NEK8: variants seen among roughly 807,000 people sequenced by gnomAD.
The protein encoded by NEK8 is serine/threonine-protein kinase Nek8.
NEK8 carries 51 observed loss-of-function variants against 77.2 expected under a neutral mutation model. The observed-to-expected ratio is 0.66, with a 90% confidence interval of 0.53 to 0.83. NEK8 has a LOEUF of 0.83. Ranked by LOEUF, NEK8 falls within the 40% of genes least tolerant of loss-of-function variation. NEK8 has a pLI of 0.00. For synonymous variants in NEK8, 365 were observed against 363.2 expected (o/e 1.00, Z -0.06); for missense variants, 787 against 909.2 (o/e 0.87, Z 1.73).
chr17:28,733,670 A>G (rs1223039392), intron 1 of NEK8, among the ~76,000 whole-genome samples: 1 of 152,216 alleles, frequency 6.6e-6, no homozygotes, highest in East Asian at 1.9e-4. Context: ...CATTTTCCAG[A>G]CAATGATGTC....
chr17:28,734,007 G>A lies in NEK8; in HGVS notation c.72G>A (p.Lys24=), dbSNP rs1223142510. 3.1e-6 allele frequency: 5 copies of A among 1,614,124 alleles called. No individual in the cohort carries two copies. In the African/African-American group the frequency reaches 5.3e-5, roughly 17 times the overall value. ...AFGIVHLCLR[K]ADQKLVIIKQ... ...GGATTGTGCACCTGTGCCTGCGAAA[G>A]GCTGACCAGAAGCTGGTGATCATCA... The change falls in exon 2 of 15, where the codon AAG becomes AAA. Residue 24 remains lysine, a synonymous_variant. Coordinates refer to ENST00000268766, the MANE Select transcript of NEK8 (RefSeq NM_178170.3).
chr17:28,734,693 A>C (rs2034344771), intron 2 of NEK8, 79 bp from the exon 3 acceptor site: 4 of 1,066,042 alleles, frequency 3.8e-6, no homozygotes, highest in Admixed American at 1.9e-5. Context: ...TCTCAAAAAA[A>C]AAAAACAACA....
At chr17:28,739,222 C>G (rs756961408) in intron 10 of NEK8, 21 bp downstream of exon 10, 1 of 1,523,382 alleles carries the variant, frequency 6.6e-7, no homozygotes, top group East Asian at 2.2e-5. Flanking sequence ...GCCTTTAGGC[C>G]CCATCTCACA....
Position 28,737,671 on chromosome 17 carries a change from G to T in NEK8, c.828-4G>T, listed in dbSNP as rs1244562506. ...TTGTCCTTAGGCCCCCATCTGTCCT[G>T]CAGGGCAGAGAAGTCCGTGGCCCCC... On this transcript the variant is annotated splice_region_variant and splice_polypyrimidine_tract_variant and intron_variant, in intron 5 of 14. Coordinates refer to ENST00000268766, the MANE Select transcript of NEK8 (RefSeq NM_178170.3). The surrounding 1 kb of genome is among the most constrained non-coding windows in gnomAD (Gnocchi z 4.8). The T allele has an allele frequency of 1.9e-6, 3 of 1,614,190 alleles. No individual in the cohort carries two copies. Among genetic ancestry groups the T allele is most frequent in the Admixed American group, 3.3e-5 (2 of 60,024 alleles).
intron 1 of NEK8, among the ~76,000 whole-genome samples, chr17:28,730,277 ATTTTTTT>A (rs36102062): frequency 1.9e-4 from 17 of 89,266 alleles, no homozygotes; most frequent in South Asian, 1.4e-3. Flanking sequence ...CAACCGGCTA[ATTTTTTT>A]TTTTTTTTTT....
In NEK8 at chr17:28,740,771, T is replaced by A. The variant is rs777448041; in HGVS notation, c.1569-51T>A. The A allele has an allele frequency of 6.8e-6, 11 of 1,609,544 alleles. No homozygotes were observed. The highest frequency in any genetic ancestry group is 9.3e-6 in the Non-Finnish European group (11 of 1,177,376). ...GGGATCTGTCTCCTGGTGCACCAGCTCCTGCCCAAACTGTCTGTCAGTTGG... is the reference window on the plus strand; with the variant it reads ...GGGATCTGTCTCCTGGTGCACCAGCACCTGCCCAAACTGTCTGTCAGTTGG... On this transcript the variant is annotated intron_variant, in intron 11 of 14. Transcript: ENST00000268766. This position sits in a 1 kb window ranked among gnomAD's most constrained non-coding sequence, Gnocchi z 4.7.
chr17:28,740,805 T>C lies in NEK8; in HGVS notation c.1569-17T>C. ...AACTGTCTGTCAGTTGGATTTGGCT[T>C]CTGGCTCTGCCCTCAGGTTCAACAA... On this transcript the variant is annotated splice_polypyrimidine_tract_variant and intron_variant, in intron 11 of 14. Coordinates refer to ENST00000268766, the MANE Select transcript of NEK8 (RefSeq NM_178170.3). This position sits in a 1 kb window ranked among gnomAD's most constrained non-coding sequence, Gnocchi z 4.7. The C allele has an allele frequency of 1.9e-6, 3 of 1,613,176 alleles. No individual in the cohort carries two copies. Among genetic ancestry groups the C allele is most frequent in the Middle Eastern group, 1.9e-4 (1 of 5,356 alleles).
rs750188369 is a variant in NEK8 at position 28,741,114 on chromosome 17, A to G, written c.1769A>G (p.His590Arg). ...GDCYTFGSNQ[H>R]GQLGTNTRRG... ...TGCTACACTTTTGGCAGCAATCAGC[A>G]CGGACAGTTGGGCACCAATACTCGC... Residue 590 changes from histidine (H) to arginine (R), a missense_variant, in exon 13 of 15, where the codon CAC (histidine) becomes CGC (arginine). By Grantham distance (29) the His-to-Arg change is conservative (BLOSUM62 0). Around this residue, in one of 2 missense-constraint regions of NEK8, gnomAD observed 516 missense variants for 544.0 expected, o/e 0.95. Transcript: ENST00000268766. This position sits in a 1 kb window ranked among gnomAD's most constrained non-coding sequence, Gnocchi z 4.5. 6.2e-7 allele frequency: 1 copy of G among 1,614,138 alleles called. No individual in the cohort carries two copies. Among genetic ancestry groups the G allele is most frequent in the South Asian group, 1.1e-5 (1 of 91,084 alleles).
chr17:28,735,336 G>A lies in NEK8; in HGVS notation c.583G>A (p.Glu195Lys), dbSNP rs752331372. 3.6e-5 allele frequency: 58 copies of A among 1,613,856 alleles called. No homozygotes were observed. In the Admixed American group the frequency reaches 6.0e-4, roughly 17 times the overall value. ...CTGGGCCCTGGGCTGTGTCCTCTAC[G>A]AGCTGGCCAGCCTCAAGAGGGCTTT... ...DIWALGCVLY[E>K]LASLKRAFEA... The change falls in exon 4 of 15, where the codon GAG becomes AAG. Residue 195 changes from glutamate (E) to lysine (K), a missense_variant. By Grantham distance (56) the Glu-to-Lys change is moderately conservative. This residue lies in a region of NEK8 where 271 missense variants were observed against 365.1 expected (regional missense o/e 0.74). Coordinates refer to ENST00000268766, the MANE Select transcript of NEK8 (RefSeq NM_178170.3).
chr17:28,734,397 C>A, intron 2 of NEK8: 1 of 608,206 alleles, frequency 1.6e-6, no homozygotes, highest in Non-Finnish European at 2.9e-6. Context: ...TGGCTGGGCA[C>A]GGTGGCTCAT....
In NEK8 at chr17:28,735,471, T is replaced by C. The variant is rs185566894; in HGVS notation, c.618+100T>C. ...TCAGGTTTCTCCTCTAGCTGAGTCA[T>C]GTCTCTCCCTTATCAGATTACCCCA... On this transcript the variant is annotated intron_variant, in intron 4 of 14. Transcript: ENST00000268766. 7.0e-5 allele frequency: 93 copies of C among 1,333,748 alleles called. No individual in the cohort carries two copies. In the East Asian group the frequency reaches 1.6e-3, roughly 23 times the overall value. 82.6% of individuals were successfully genotyped at this position (1,333,748 alleles called of 1,614,324 possible).
chr17:28,741,684 T>A lies in NEK8; in HGVS notation c.2050+113T>A. 7.5e-7 allele frequency: 1 copy of A among 1,333,740 alleles called. No individual in the cohort carries two copies. Among genetic ancestry groups the A allele is most frequent in the Non-Finnish European group, 1.1e-6 (1 of 932,128 alleles). 82.6% of individuals were successfully genotyped at this position (1,333,740 alleles called of 1,614,324 possible). On this transcript the variant is annotated intron_variant, in intron 14 of 14. Coordinates refer to ENST00000268766, the MANE Select transcript of NEK8 (RefSeq NM_178170.3). This position sits in a 1 kb window ranked among gnomAD's most constrained non-coding sequence, Gnocchi z 4.5. ...ACCAAAAGCATCTTTAGCCCCCAGA[T>A]AAAAAAAGCAGAAGCTGCGGTTGAA... is the stretch of plus-strand genomic sequence containing the variant.
In NEK8 at chr17:28,737,861, TG is replaced by T. The variant is rs780140058; in HGVS notation, c.933del (p.Ser312ArgfsTer50). On this transcript the variant is annotated frameshift_variant, in exon 7 of 15. Coordinates refer to ENST00000268766, the MANE Select transcript of NEK8 (RefSeq NM_178170.3). LOFTEE classifies it high-confidence loss of function. This position sits in a 1 kb window ranked among gnomAD's most constrained non-coding sequence, Gnocchi z 4.8. Reference sequence around the variant, plus strand: ...GTGAGGCCAGCCATCCCACCACCACTGTCGTCAGTGTATGCCTGGGGTGGTG... The same window carrying T: ...GTGAGGCCAGCCATCCCACCACCACTTCGTCAGTGTATGCCTGGGGTGGTG... ...GPVRPAIPPP[L>X]SSVYAWGGGL... The T allele has an allele frequency of 6.2e-7, 1 of 1,613,792 alleles. No individual in the cohort carries two copies. Among genetic ancestry groups the T allele is most frequent in the African/African-American group, 1.3e-5 (1 of 74,930 alleles).
rs1262642098 is a variant in NEK8 at position 28,740,735 on chromosome 17, C to T, written c.1569-87C>T. ...GAGGGGGTTGAGGGTGCTATTGGTT[C>T]AACCCAGGGTGGGATCTGTCTCCTG... On this transcript the variant is annotated intron_variant, in intron 11 of 14. Transcript: ENST00000268766. The surrounding 1 kb of genome is among the most constrained non-coding windows in gnomAD (Gnocchi z 4.7). 6.3e-7 allele frequency: 1 copy of T among 1,586,580 alleles called. No individual in the cohort carries two copies. Among genetic ancestry groups the T allele is most frequent in the Non-Finnish European group, 8.6e-7 (1 of 1,156,908 alleles).
intron 10 of NEK8, 30 bp downstream of exon 10, chr17:28,739,231 C>A: frequency 6.9e-7 from 1 of 1,439,528 alleles, no homozygotes; most frequent in Non-Finnish European, 9.8e-7. Flanking sequence ...CCCCATCTCA[C>A]AGCATCCTCA....
At position 28,741,430 on chromosome 17, in the gene NEK8, T is replaced by C. The variant is rs1242054669; in HGVS notation, c.1909T>C (p.Trp637Arg). Reference protein sequence around the residue: ...AIGAESEVYSWGKGARGRLGR... With the variant: ...AIGAESEVYSRGKGARGRLGR... Reference sequence around the variant, plus strand: ...CCTGGCAGAGAGCGAAGTGTACTCTTGGGGCAAAGGGGCGCGAGGTCGATT... The same window carrying C: ...CCTGGCAGAGAGCGAAGTGTACTCTCGGGGCAAAGGGGCGCGAGGTCGATT... Residue 637 changes from tryptophan (W) to arginine (R), a missense_variant, in exon 14 of 15, where the codon TGG (tryptophan) becomes CGG (arginine). By Grantham distance (101) the Trp-to-Arg change is moderately radical. Around this residue, in one of 2 missense-constraint regions of NEK8, gnomAD observed 516 missense variants for 544.0 expected, o/e 0.95. Transcript: ENST00000268766. This position sits in a 1 kb window ranked among gnomAD's most constrained non-coding sequence, Gnocchi z 4.5. 3 of 1,614,020 alleles carry C rather than the reference T, an allele frequency of 1.9e-6. No individual in the cohort carries two copies. Among genetic ancestry groups the C allele is most frequent in the Non-Finnish European group, 2.5e-6 (3 of 1,179,972 alleles).
chr17:28,740,701 A>C lies in NEK8; in HGVS notation c.1568+88A>C. On this transcript the variant is annotated intron_variant, in intron 11 of 14. Transcript: ENST00000268766. The surrounding 1 kb of genome is among the most constrained non-coding windows in gnomAD (Gnocchi z 4.7). Reference sequence around the variant, plus strand: ...CATCATTGCCTACCTTTCACCAAAGACCAGAATTGAGGGGGTTGAGGGTGC... The same window carrying C: ...CATCATTGCCTACCTTTCACCAAAGCCCAGAATTGAGGGGGTTGAGGGTGC... The C allele has an allele frequency of 6.3e-7, 1 of 1,588,136 alleles. No individual in the cohort carries two copies. Among genetic ancestry groups the C allele is most frequent in the Admixed American group, 1.7e-5 (1 of 59,992 alleles).
At chr17:28,731,605 T>C (rs12942484) in intron 1 of NEK8, among the ~76,000 whole-genome samples, 3 of 149,150 alleles carry the variant, frequency 2.0e-5, no homozygotes, top group Admixed American at 6.7e-5. Flanking sequence ...TCTTTCTTTC[T>C]TTCTTTTTTT....
intron 1 of NEK8, among the ~76,000 whole-genome samples, chr17:28,731,107 G>A (rs1165364463): frequency 1.3e-5 from 2 of 151,856 alleles, no homozygotes; most frequent in Non-Finnish European, 2.9e-5. Context: ...ACAAAATTTA[G>A]CTGGGTGTTG....
Sources: gnomAD v4.1 joint callset for allele counts (sites outside exome capture counted in the v4.1 genomes callset) on GRCh38, gnomAD v4.1.1 for gene constraint, gnomAD v4.1.1 regional missense constraint, Gnocchi (gnomAD v3.1) non-coding constraint, MANE v1.5 for transcripts, NCBI Gene and HGNC (gene_info 2026-07-23, HGNC 2026-07-21) for gene names.